Variants in CDH10 observed in about 807,000 individuals in gnomAD.
CDH10 encodes cadherin-10.
CDH10 carries 30 observed loss-of-function variants against 73.1 expected under a neutral mutation model. The ratio of observed to expected loss-of-function variants is 0.41; its 90% CI spans 0.31 to 0.56. The LOEUF is 0.56. Ranked by LOEUF, CDH10 falls within the 20% of genes least tolerant of loss-of-function variation. The pLI is 0.27. For missense variants in CDH10, 815 were observed against 973.7 expected, an observed-to-expected ratio of 0.84 and a Z score of 2.17; for synonymous variants, 345 against 348.2, an observed-to-expected ratio of 0.99 and a Z score of 0.10.
intron 2 of CDH10, among the ~76,000 whole-genome samples, chr5:24,581,873 T>TA (rs1398018752): frequency 6.6e-6 from 1 of 152,078 alleles, no homozygotes; most frequent in African/African-American, 2.4e-5. Flanking sequence ...CGTTTTGATC[T>TA]AAAAAAACTT....
intron 2 of CDH10, among the ~76,000 whole-genome samples, chr5:24,586,912 T>C (rs1417847556): frequency 2.1e-5 from 3 of 140,690 alleles, no homozygotes; most frequent in Admixed American, 7.4e-5. Context: ...TGGCGCGATC[T>C]CTGCTCACTG....
intron 1 of CDH10, among the ~76,000 whole-genome samples, chr5:24,603,462 C>A (rs780426411): frequency 6.6e-6 from 1 of 152,102 alleles, no homozygotes; most frequent in Non-Finnish European, 1.5e-5. Context: ...CAAGTGGAAG[C>A]AATATGTAAA....
intron 5 of CDH10, among the ~76,000 whole-genome samples, chr5:24,530,835 T>C (rs886722035): frequency 3.9e-5 from 6 of 152,128 alleles, no homozygotes; most frequent in African/African-American, 1.4e-4. Context: ...TTAAGAATTA[T>C]ACTAATGTGC....
intron 2 of CDH10, among the ~76,000 whole-genome samples, chr5:24,555,301 T>C (rs1440366187): frequency 6.6e-6 from 1 of 152,102 alleles, no homozygotes; most frequent in East Asian, 1.9e-4. Context: ...CTTTTCTCTT[T>C]CCTTACAAGC....
intron 1 of CDH10, among the ~76,000 whole-genome samples, chr5:24,628,110 G>A (rs1237471511): frequency 6.6e-6 from 1 of 152,124 alleles, no homozygotes; most frequent in African/African-American, 2.4e-5. Context: ...AAACCACAGA[G>A]TTTGAAATAA....
intron 1 of CDH10, among the ~76,000 whole-genome samples, chr5:24,626,482 T>A (rs1747504569): frequency 6.6e-6 from 1 of 152,148 alleles, no homozygotes; most frequent in South Asian, 2.1e-4. Flanking sequence ...TTACCCACGT[T>A]AAGCATGATT....
chr5:24,622,258 A>ATGAT (rs3033794), intron 1 of CDH10, among the ~76,000 whole-genome samples: 151,598 of 152,268 alleles, frequency 1, 75,466 homozygotes, highest in East Asian at 1. Flanking sequence ...TGATGTGCGA[A>ATGAT]TGTTGACAAA....
intron 1 of CDH10, among the ~76,000 whole-genome samples, chr5:24,605,907 A>T (rs182474669): frequency 6.6e-6 from 1 of 152,346 alleles, no homozygotes. Context: ...TGACACATGG[A>T]TGAATCAATT....
At chr5:24,613,948 G>A (rs988324377) in intron 1 of CDH10, among the ~76,000 whole-genome samples, 4 of 152,096 alleles carry the variant, frequency 2.6e-5, no homozygotes, top group African/African-American at 9.7e-5. Context: ...ATTCGACTTT[G>A]CATCTGAAGA....
chr5:24,568,675 T>C (rs1018563099), intron 2 of CDH10, among the ~76,000 whole-genome samples: 10 of 152,222 alleles, frequency 6.6e-5, no homozygotes, highest in Admixed American at 5.2e-4. Flanking sequence ...AAGCAGGAAT[T>C]TGAGCAGATA....
intron 2 of CDH10, among the ~76,000 whole-genome samples, chr5:24,554,619 T>A (rs116426470): frequency 0.019 from 2,902 of 152,188 alleles, 96 homozygotes; most frequent in African/African-American, 0.066. Flanking sequence ...TCTCAGAAAA[T>A]TTTAGAAACT....
chr5:24,603,100 G>T (rs1192402329), intron 1 of CDH10, among the ~76,000 whole-genome samples: 1 of 152,138 alleles, frequency 6.6e-6, no homozygotes, highest in African/African-American at 2.4e-5. Context: ...AGCCACTAGG[G>T]TAGAAGTGAA....
Position 24,577,076 on chromosome 5 carries a change from TAA to T in CDH10, c.231+16182_231+16183del, listed in dbSNP as rs143483568. The stretch of plus-strand genomic sequence containing the variant: ...AGTACACCTCAACGTCAAAGTTATT[TAA>T]AAAAAAAAAACCAAAAACTGTGAAG... On this transcript the variant is annotated intron_variant, in intron 2 of 11. Transcript: ENST00000264463. Among the ~76,000 whole-genome samples, 1,570 of 122,460 alleles carry T rather than the reference TAA, an allele frequency of 0.013. 59 individuals carry two copies. The East Asian group carries it at 0.14, about 11-fold the overall frequency. The allele number at this position is 122,460 out of a possible 152,430, so 80.3% of individuals were successfully genotyped here.
chr5:24,629,234 T>G (rs1747619742), intron 1 of CDH10, among the ~76,000 whole-genome samples: 1 of 152,164 alleles, frequency 6.6e-6, no homozygotes, highest in South Asian at 2.1e-4. Flanking sequence ...ACTTTCTCTT[T>G]TAAAACTGAT....
chr5:24,527,440 TAG>T (rs1743576262), intron 5 of CDH10, among the ~76,000 whole-genome samples: 2 of 151,254 alleles, frequency 1.3e-5, no homozygotes, highest in African/African-American at 4.8e-5. Context: ...ACAAAATATA[TAG>T]AGTCATGTTT....
intron 11 of CDH10, among the ~76,000 whole-genome samples, chr5:24,490,417 G>A (rs1250284838): frequency 3.9e-5 from 4 of 103,604 alleles, no homozygotes; most frequent in Non-Finnish European, 8.0e-5. Context: ...TCATTTCATA[G>A]TAACAAATTA....
At chr5:24,524,325 A>G (rs1049090610) in intron 5 of CDH10, among the ~76,000 whole-genome samples, 2 of 152,196 alleles carry the variant, frequency 1.3e-5, no homozygotes, top group Non-Finnish European at 2.9e-5. Context: ...GCAAACTGAA[A>G]TTACTAATTG....
At chr5:24,503,140 CT>C (rs1377068417) in intron 8 of CDH10, among the ~76,000 whole-genome samples, 4 of 152,140 alleles carry the variant, frequency 2.6e-5, no homozygotes, top group African/African-American at 7.2e-5. Context: ...TTCAATTGTT[CT>C]GGGACACTTG....
intron 1 of CDH10, among the ~76,000 whole-genome samples, chr5:24,595,667 G>A (rs1443866982): frequency 6.6e-6 from 1 of 151,942 alleles, no homozygotes; most frequent in Non-Finnish European, 1.5e-5. Flanking sequence ...AGAGGCAGGG[G>A]AGAGTTTGTG....
Sources: allele counts gnomAD v4.1 joint callset (sites outside exome capture counted in the v4.1 genomes callset), GRCh38; gene constraint gnomAD v4.1.1; transcripts MANE v1.5; gene names NCBI Gene and HGNC (gene_info 2026-07-23, HGNC 2026-07-21).